LPP: variants seen among roughly 807,000 people sequenced by gnomAD.
The protein encoded by LPP is lipoma-preferred partner.
In LPP, 38 loss-of-function variants were observed where a neutral mutation model predicts 60.4. The observed-to-expected ratio is 0.63, with a 90% CI of 0.49 to 0.83. The LOEUF (loss-of-function observed/expected upper bound fraction) is 0.83. Among genes scored for constraint, LPP ranks in the 40% least tolerant of loss-of-function variants. The pLI is 0.00. For missense variants in LPP, 902 were observed against 783.6 expected, an observed-to-expected ratio of 1.15 and a Z score of -1.80; for synonymous variants, 328 against 290.8, an observed-to-expected ratio of 1.13 and a Z score of -1.30.
intron 6 of LPP, among the ~76,000 whole-genome samples, chr3:188,594,013 C>T (rs1165581038): frequency 2.6e-5 from 4 of 152,234 alleles, no homozygotes; most frequent in East Asian, 3.9e-4. Context: ...TGTTTTGATA[C>T]TCTTCTATGG....
chr3:188,525,785 A>T (rs1820425029), intron 6 of LPP, among the ~76,000 whole-genome samples: 2 of 152,206 alleles, frequency 1.3e-5, no homozygotes, highest in African/African-American at 4.8e-5. Context: ...GTTTGAATAT[A>T]TCAGTTTCTC....
chr3:188,309,071 G>T (rs1459076128), intron 2 of LPP, among the ~76,000 whole-genome samples: 4 of 116,054 alleles, frequency 3.4e-5, no homozygotes, highest in African/African-American at 1.4e-4. Context: ...GCCCAGGCTG[G>T]AGTGTAGTGG....
intron 5 of LPP, among the ~76,000 whole-genome samples, chr3:188,514,993 G>A (rs1165804822): frequency 6.6e-6 from 1 of 152,178 alleles, no homozygotes; most frequent in Non-Finnish European, 1.5e-5. Flanking sequence ...CACTGGGTGA[G>A]TGTGTTAGGG....
At chr3:188,169,902 A>G (rs1350737353) in intron 1 of LPP, among the ~76,000 whole-genome samples, 1 of 152,218 alleles carries the variant, frequency 6.6e-6, no homozygotes, top group African/African-American at 2.4e-5. Flanking sequence ...GATTTTAGAC[A>G]TAGAGTCTTT....
intron 9 of LPP, among the ~76,000 whole-genome samples, chr3:188,841,782 A>G (rs994897750): frequency 2.6e-5 from 4 of 152,168 alleles, no homozygotes; most frequent in African/African-American, 9.7e-5. Flanking sequence ...CTGTATTCCT[A>G]GGTATTTTAT....
intron 7 of LPP, among the ~76,000 whole-genome samples, chr3:188,686,513 G>A (rs567898144): frequency 7.2e-5 from 11 of 152,188 alleles, no homozygotes; most frequent in Non-Finnish European, 1.2e-4. Flanking sequence ...AACACAGGGC[G>A]TGACTTCCTA....
At chr3:188,859,674 T>C (rs1237482632) in intron 9 of LPP, among the ~76,000 whole-genome samples, 1 of 152,160 alleles carries the variant, frequency 6.6e-6, no homozygotes, top group African/African-American at 2.4e-5. Flanking sequence ...AAGAAGTTTG[T>C]TTAAAGAGAG....
At chr3:188,202,579 C>T (rs567219656) in intron 1 of LPP, among the ~76,000 whole-genome samples, 12 of 152,292 alleles carry the variant, frequency 7.9e-5, no homozygotes, top group South Asian at 2.1e-4. Context: ...AAGGTTCACG[C>T]GCTATGACCA....
At chr3:188,604,589 T>C (rs1842052110) in intron 6 of LPP, among the ~76,000 whole-genome samples, 2 of 152,152 alleles carry the variant, frequency 1.3e-5, no homozygotes, top group Admixed American at 1.3e-4. Context: ...ACATTACATA[T>C]TTTACAGAAT....
At chr3:188,846,270 A>G (rs1761364812) in intron 9 of LPP, among the ~76,000 whole-genome samples, 1 of 152,236 alleles carries the variant, frequency 6.6e-6, no homozygotes, top group South Asian at 2.1e-4. Flanking sequence ...CCAGAGAAGG[A>G]CTAATTCAGG....
At chr3:188,550,684 T>C (rs533160259) in intron 6 of LPP, among the ~76,000 whole-genome samples, 34 of 152,112 alleles carry the variant, frequency 2.2e-4, no homozygotes, top group African/African-American at 8.2e-4. Flanking sequence ...AAGCAGGAAT[T>C]AGCTGGTTAG....
chr3:188,260,411 G>A (rs1279042148), intron 2 of LPP, among the ~76,000 whole-genome samples: 1 of 151,980 alleles, frequency 6.6e-6, no homozygotes. Flanking sequence ...TCTTGTGCTT[G>A]GAGCTTGGAG....
At chr3:188,803,528 A>G (rs755272150) in intron 9 of LPP, among the ~76,000 whole-genome samples, 2 of 152,180 alleles carry the variant, frequency 1.3e-5, no homozygotes, top group Non-Finnish European at 1.5e-5. Flanking sequence ...TTTTCCCCCC[A>G]TAGGGATGTC....
At chr3:188,483,956 C>T (rs114948757) in intron 4 of LPP, among the ~76,000 whole-genome samples, 174 of 152,184 alleles carry the variant, frequency 1.1e-3, no homozygotes, top group African/African-American at 3.8e-3. Flanking sequence ...TTAATTTTAT[C>T]GCATATCTAA....
intron 6 of LPP, among the ~76,000 whole-genome samples, chr3:188,570,969 C>T (rs1170107535): frequency 6.6e-6 from 1 of 151,968 alleles, no homozygotes; most frequent in Non-Finnish European, 1.5e-5. Context: ...AGAATTATAG[C>T]AAATTATACT....
At chr3:188,300,773 T>G (rs567080953) in intron 2 of LPP, among the ~76,000 whole-genome samples, 1 of 152,356 alleles carries the variant, frequency 6.6e-6, no homozygotes, top group African/African-American at 2.4e-5. Flanking sequence ...CATAGAAGGA[T>G]ACAATAGATT....
intron 2 of LPP, among the ~76,000 whole-genome samples, chr3:188,265,578 G>A (rs950207295): frequency 6.6e-6 from 1 of 152,192 alleles, no homozygotes; most frequent in African/African-American, 2.4e-5. Context: ...TGCCATTGGG[G>A]AGGGCTTTGC....
At chr3:188,793,184 CTT>C (rs34203235) in intron 9 of LPP, among the ~76,000 whole-genome samples, 15,296 of 137,542 alleles carry the variant, frequency 0.11, 971 homozygotes, top group Middle Eastern at 0.16. Context: ...CTCATTTATC[CTT>C]TTTTTTTTTT....
intron 4 of LPP, among the ~76,000 whole-genome samples, chr3:188,480,791 C>G (rs966717462): frequency 1.3e-5 from 2 of 152,130 alleles, no homozygotes; most frequent in Non-Finnish European, 2.9e-5. Flanking sequence ...AGGGCATGCA[C>G]TAATATGAAG....
Sources: allele counts gnomAD v4.1 joint callset (sites outside exome capture counted in the v4.1 genomes callset), GRCh38; gene constraint gnomAD v4.1.1; transcripts MANE v1.5; gene names NCBI Gene and HGNC (gene_info 2026-07-23, HGNC 2026-07-21).